Variants in PCDHA3 observed in about 807,000 individuals in gnomAD.
PCDHA3 encodes protocadherin alpha 3.
A neutral mutation model predicts 62.2 loss-of-function variants in PCDHA3; 41 were observed. The ratio of observed to expected loss-of-function variants is 0.66; its 90% confidence interval spans 0.51 to 0.86. The LOEUF is 0.86. Ranked by LOEUF, PCDHA3 falls within the 40% of genes least tolerant of loss-of-function variation. The probability of loss-of-function intolerance (pLI) is 0.00; values close to 1 mark genes in which losing one functional copy is unlikely to be tolerated. For missense variants in PCDHA3, 1,304 were observed against 1,241.2 expected (o/e 1.05, Z -0.76); for synonymous variants, 640 against 555.4 (o/e 1.15, Z -2.14).
chr5:140,882,265 T>A (rs782012488), intron 1 of PCDHA3: 2 of 1,609,948 alleles, frequency 1.2e-6, no homozygotes, highest in African/African-American at 2.7e-5. Flanking sequence ...TTTTGGAGTG[T>A]ACCATGCTGT....
intron 1 of PCDHA3, among the ~76,000 whole-genome samples, chr5:140,937,011 G>A (rs567332621): frequency 9.2e-5 from 14 of 151,352 alleles, no homozygotes; most frequent in Non-Finnish European, 1.8e-4. Flanking sequence ...ACAGACAACC[G>A]ATTAACAAGG....
intron 1 of PCDHA3, among the ~76,000 whole-genome samples, chr5:140,893,709 G>A (rs141117049): frequency 6.6e-6 from 1 of 152,250 alleles, no homozygotes; most frequent in East Asian, 1.9e-4. Flanking sequence ...AGCCTGTAAA[G>A]CTTCTGCTGA....
chr5:141,009,833 G>A lies in PCDHA3; in HGVS notation c.2749G>A (p.Gly917Ser), dbSNP rs782642898. The A allele has an allele frequency of 8.7e-6, 14 of 1,613,366 alleles. No homozygotes were observed. The highest frequency in any genetic ancestry group is 2.7e-5 in the African/African-American group (2 of 74,746). ...TGACAAAAGTGACTTCATAACCTTC[G>A]GCAAAAAGGAGGAGACCAAGAAAAA... ...QIDKSDFITF[G>S]KKEETKKKKK... Residue 917 changes from glycine (G) to serine (S), a missense_variant, in exon 4 of 4, where the codon GGC (glycine) becomes AGC (serine). Physicochemically the swap from Gly to Ser is moderately conservative, Grantham distance 56 (BLOSUM62 0). Coordinates refer to ENST00000522353, the MANE Select transcript of PCDHA3 (RefSeq NM_018906.3).
intron 1 of PCDHA3, among the ~76,000 whole-genome samples, chr5:140,962,346 TC>T (rs35212677): frequency 6.6e-6 from 1 of 152,108 alleles, no homozygotes; most frequent in Non-Finnish European, 1.5e-5. Flanking sequence ...GAAGTAAAAC[TC>T]CCCCCAATAC....
At position 140,833,586 on chromosome 5, in the gene PCDHA3, T is replaced by C. The variant is rs1377047796; in HGVS notation, c.2394+29995T>C. Among the ~76,000 whole-genome samples the C allele has an allele frequency of 3.9e-5, 6 of 152,200 alleles. No homozygotes were observed. The East Asian group carries it at 9.7e-4, about 25-fold the overall frequency. ...ATAAAATGATGAACTCCTGAAACAGTATATATAGATTCTGCTAAAGCAAAA... is the reference window on the plus strand; with the variant it reads ...ATAAAATGATGAACTCCTGAAACAGCATATATAGATTCTGCTAAAGCAAAA... On this transcript the variant is annotated intron_variant, in intron 1 of 3. Transcript: ENST00000522353.
At chr5:140,911,775 C>T (rs1341124275) in intron 1 of PCDHA3, among the ~76,000 whole-genome samples, 1 of 152,096 alleles carries the variant, frequency 6.6e-6, no homozygotes, top group African/African-American at 2.4e-5. Context: ...AAGTACAGTC[C>T]TTAGCATTTT....
chr5:140,885,965 A>C (rs2060792569), intron 1 of PCDHA3, among the ~76,000 whole-genome samples: 1 of 152,070 alleles, frequency 6.6e-6, no homozygotes, highest in African/African-American at 2.4e-5. Context: ...TTTTATTTTG[A>C]GATAATTATA....
Position 140,917,327 on chromosome 5 carries a change from G to A in PCDHA3, c.2395-61622G>A, listed in dbSNP as rs1219338384. ...TTACAATTTGGTGTTCATGTGGCGG[G>A]GGAGGGGGGGGATGGTGTAGGCTTC... On this transcript the variant is annotated intron_variant, in intron 1 of 3. Coordinates refer to ENST00000522353, the MANE Select transcript of PCDHA3 (RefSeq NM_018906.3). Among the ~76,000 whole-genome samples, 73 of 149,528 alleles carry A rather than the reference G, an allele frequency of 4.9e-4. 3 individuals carry two copies. Among genetic ancestry groups the A allele is most frequent in the African/African-American group, 1.3e-3 (54 of 40,384 alleles).
intron 1 of PCDHA3, among the ~76,000 whole-genome samples, chr5:140,880,555 T>C (rs1250449659): frequency 1.3e-5 from 2 of 152,134 alleles, no homozygotes; most frequent in Admixed American, 6.6e-5. Context: ...CTGATGGAAA[T>C]GAGGTTGAGA....
In PCDHA3 at chr5:140,822,529, G is replaced by A. The variant is rs2150117025; in HGVS notation, c.2394+18938G>A. On this transcript the variant is annotated intron_variant, in intron 1 of 3. Coordinates refer to ENST00000522353, the MANE Select transcript of PCDHA3 (RefSeq NM_018906.3). ...ATCCATTTATAATGTCAGATTGTTGGAAAATGCACCAAGTGGGACATTAGT... is the reference window on the plus strand; with the variant it reads ...ATCCATTTATAATGTCAGATTGTTGAAAAATGCACCAAGTGGGACATTAGT... The A allele has an allele frequency of 3.7e-6, 6 of 1,613,816 alleles. No homozygotes were observed. In the East Asian group the frequency reaches 6.7e-5, roughly 18 times the overall value.
In PCDHA3 at chr5:140,835,338, C is replaced by T. The variant is rs2150234126; in HGVS notation, c.2394+31747C>T. The T allele has an allele frequency of 1.4e-5, 22 of 1,613,678 alleles. No individual in the cohort carries two copies. The South Asian group carries it at 2.2e-4, about 16-fold the overall frequency. ...TGAAGAAAGTAGAGCACACAAGATCCCAGTCGAGGCTGTCGATAAAGGCTT... is the reference window on the plus strand; with the variant it reads ...TGAAGAAAGTAGAGCACACAAGATCTCAGTCGAGGCTGTCGATAAAGGCTT... On this transcript the variant is annotated intron_variant, in intron 1 of 3. Transcript: ENST00000522353.
In PCDHA3 at chr5:140,904,302, A is replaced by C. The variant is rs553969479; in HGVS notation, c.2395-74647A>C. Among the ~76,000 whole-genome samples, 22 of 151,950 alleles carry C rather than the reference A, an allele frequency of 1.4e-4. No individual in the cohort carries two copies. In the East Asian group the frequency reaches 3.9e-3, roughly 27 times the overall value. On this transcript the variant is annotated intron_variant, in intron 1 of 3. Transcript: ENST00000522353. ...TGTGGTGTTTGGTTTTCCATTCCTG[A>C]GTTTCTTCACTTAGAATAATGGTCT...
chr5:140,922,643 C>T (rs1554200906), intron 1 of PCDHA3, among the ~76,000 whole-genome samples: 3 of 152,192 alleles, frequency 2.0e-5, no homozygotes, highest in African/African-American at 7.2e-5. Flanking sequence ...CTCCATCAAA[C>T]AGTAAATATG....
intron 1 of PCDHA3, among the ~76,000 whole-genome samples, chr5:140,895,090 T>A (rs2064836305): frequency 6.6e-6 from 1 of 152,190 alleles, no homozygotes; most frequent in Non-Finnish European, 1.5e-5. Flanking sequence ...CTCCTCAGTA[T>A]AGGGGTTTTT....
Position 140,923,432 on chromosome 5 carries a change from G to A in PCDHA3, c.2395-55517G>A, listed in dbSNP as rs116357562. Among the ~76,000 whole-genome samples, 1,228 of 152,230 alleles carry A rather than the reference G, an allele frequency of 8.1e-3. 6 individuals are homozygous for A. The highest frequency in any genetic ancestry group is 0.019 in the African/African-American group (793 of 41,542). The stretch of plus-strand genomic sequence containing the variant: ...AATCCTGGCTACTTGGGAGGCTGGG[G>A]TGGGAGGATCACCTGAGCCCAGAGA... On this transcript the variant is annotated intron_variant, in intron 1 of 3. Transcript: ENST00000522353.
At chr5:140,840,992 T>G (rs2150176652) in intron 1 of PCDHA3, among the ~76,000 whole-genome samples, 1 of 152,166 alleles carries the variant, frequency 6.6e-6, no homozygotes, top group African/African-American at 2.4e-5. Context: ...TAGCTGAAAC[T>G]AATGTAAGGA....
intron 1 of PCDHA3, chr5:140,875,787 C>A (rs2055811364): frequency 6.2e-7 from 1 of 1,614,082 alleles, no homozygotes; most frequent in Non-Finnish European, 8.5e-7. Context: ...GCAGTATCCA[C>A]CTGGAGGTGA....
At chr5:140,996,811 A>G (rs2097746792) in intron 3 of PCDHA3, among the ~76,000 whole-genome samples, 1 of 152,212 alleles carries the variant, frequency 6.6e-6, no homozygotes, top group African/African-American at 2.4e-5. Flanking sequence ...ATGCTTTCCA[A>G]AAGTAACCAC....
In PCDHA3 at chr5:140,821,687, T is replaced by TA. The variant is rs1260014806; in HGVS notation, c.2394+18102dup. 1.9e-5 allele frequency: 26 copies of TA among 1,378,320 alleles called. No homozygotes were observed. In the Admixed American group the frequency reaches 5.5e-4, roughly 29 times the overall value. 85.4% of individuals were successfully genotyped at this position (1,378,320 alleles called of 1,614,324 possible). A position where few individuals can be genotyped will look rare whatever the true frequency, so the allele number is the denominator to read the frequency against. ...CAAGAAGCTCAGAAAGGCGATAATA[T>TA]AAAAAATATATAGTTAATTGGGAAT... On this transcript the variant is annotated intron_variant, in intron 1 of 3. Coordinates refer to ENST00000522353, the MANE Select transcript of PCDHA3 (RefSeq NM_018906.3).
Sources: allele counts gnomAD v4.1 joint callset (sites outside exome capture counted in the v4.1 genomes callset), GRCh38; gene constraint gnomAD v4.1.1; transcripts MANE v1.5; gene names NCBI Gene and HGNC (gene_info 2026-07-23, HGNC 2026-07-21).